The following CD96 variants were observed in gnomAD, a reference collection of about 807,000 sequenced individuals.
CD96 encodes the protein CD96 molecule, also known as T-cell surface protein tactile.
A neutral mutation model predicts 71.3 loss-of-function variants in CD96; 70 were observed. That is an observed-to-expected ratio of 0.98 (90% CI 0.81 to 1.20). The LOEUF (loss-of-function observed/expected upper bound fraction) is 1.20, where lower values mean the gene tolerates loss of function less well. Among genes scored for constraint, CD96 ranks in the 50% most tolerant of loss-of-function variants. CD96 has a pLI of 0.00. For missense variants in CD96, 742 were observed against 677.5 expected (o/e 1.10, Z -1.06); for synonymous variants, 248 against 233.0 (o/e 1.06, Z -0.59).
intron 10 of CD96, among the ~76,000 whole-genome samples, chr3:111,636,217 G>A (rs530179256): frequency 6.6e-6 from 1 of 152,204 alleles, no homozygotes; most frequent in South Asian, 2.1e-4. Context: ...CCTAAAGAAT[G>A]GACTCTTACC....
intron 2 of CD96, among the ~76,000 whole-genome samples, chr3:111,552,627 T>C (rs1280132137): frequency 6.8e-6 from 1 of 147,336 alleles, no homozygotes. Context: ...AGAGAATATG[T>C]AAATGAATGG....
chr3:111,569,042 C>T (rs1935852412), intron 3 of CD96, among the ~76,000 whole-genome samples: 1 of 152,162 alleles, frequency 6.6e-6, no homozygotes, highest in African/African-American at 2.4e-5. Context: ...CACAGATTCT[C>T]ATGAATGTAA....
At chr3:111,635,987 G>A (rs377262865) in intron 10 of CD96, among the ~76,000 whole-genome samples, 7 of 152,042 alleles carry the variant, frequency 4.6e-5, no homozygotes, top group African/African-American at 1.4e-4. Context: ...ATCAAATTCC[G>A]GCGAATGGCA....
rs749351660 is a variant in CD96 at position 111,598,168 on chromosome 3, A to G, written c.856A>G (p.Thr286Ala). The G allele has an allele frequency of 3.1e-5, 46 of 1,498,544 alleles. No homozygotes were observed. In the South Asian group the frequency reaches 5.0e-4, roughly 16 times the overall value. 92.8% of individuals were successfully genotyped at this position (1,498,544 alleles called of 1,614,324 possible). ...GAATGTATTTCCCAAAGCAAATATC[A>G]CATGGTTTATAGATGGAAGTTTTCT... Reference protein sequence around the residue: ...LKNVFPKANITWFIDGSFLHD... With the variant: ...LKNVFPKANIAWFIDGSFLHD... Residue 286 changes from threonine to alanine, a missense_variant, in exon 6 of 14, where the codon ACA (threonine) becomes GCA (alanine). By Grantham distance (58) the Thr-to-Ala change is moderately conservative. Transcript: ENST00000352690.
chr3:111,604,243 C>G (rs1937564627), intron 7 of CD96, among the ~76,000 whole-genome samples: 1 of 152,144 alleles, frequency 6.6e-6, no homozygotes, highest in African/African-American at 2.4e-5. Flanking sequence ...TCTGAGAGCC[C>G]TGCCAAGCCT....
intron 6 of CD96, 72 bp from the exon 7 acceptor site, chr3:111,600,654 C>T: frequency 1.8e-6 from 2 of 1,132,882 alleles, no homozygotes; most frequent in Non-Finnish European, 2.7e-6. Flanking sequence ...TTGATCATGC[C>T]ATGCCTTGGC....
At chr3:111,591,483 T>C (rs994919204) in intron 5 of CD96, among the ~76,000 whole-genome samples, 2 of 152,150 alleles carry the variant, frequency 1.3e-5, no homozygotes, top group African/African-American at 2.4e-5. Flanking sequence ...TTTATTTGGT[T>C]TGGGTTTTGC....
chr3:111,564,221 T>C (rs1935595324), intron 2 of CD96, among the ~76,000 whole-genome samples: 1 of 152,038 alleles, frequency 6.6e-6, no homozygotes, highest in Admixed American at 6.5e-5. Context: ...TTAATATTTG[T>C]TCTGTTCCAT....
intron 10 of CD96, among the ~76,000 whole-genome samples, chr3:111,636,417 T>C (rs766251182): frequency 2.4e-4 from 36 of 152,368 alleles, no homozygotes; most frequent in Non-Finnish European, 3.4e-4. Flanking sequence ...TTTAAATGAA[T>C]GGATGTAATA....
At chr3:111,556,536 A>C (rs1382634443) in intron 2 of CD96, among the ~76,000 whole-genome samples, 1 of 132,122 alleles carries the variant, frequency 7.6e-6, no homozygotes, top group African/African-American at 3.0e-5. Flanking sequence ...ACGTGAACTC[A>C]TCATTTTTTA....
rs982304632 is a variant in CD96 at position 111,652,187 on chromosome 3, G to A, written c.*2381G>A. On this transcript the variant is annotated 3_prime_UTR_variant, in exon 14 of 14. Transcript: ENST00000352690. Reference sequence around the variant, plus strand: ...TTTTGAGTATAATTTGTTACATAGCGACAGATAACTATACAGCTCAACAAC... The same window carrying A: ...TTTTGAGTATAATTTGTTACATAGCAACAGATAACTATACAGCTCAACAAC... 4 of 151,980 alleles carry A rather than the reference G, an allele frequency of 2.6e-5. No homozygotes were observed. The highest frequency in any genetic ancestry group is 9.7e-5 in the African/African-American group (4 of 41,356). 9.4% of individuals were successfully genotyped at this position (151,980 alleles called of 1,614,324 possible).
At chr3:111,558,520 C>T (rs1374550239) in intron 2 of CD96, among the ~76,000 whole-genome samples, 2 of 69,716 alleles carry the variant, frequency 2.9e-5, no homozygotes, top group African/African-American at 6.1e-5. Context: ...TATTGATTTG[C>T]GTATATTGAA....
chr3:111,635,729 C>T (rs980430767), intron 10 of CD96, among the ~76,000 whole-genome samples: 3 of 152,124 alleles, frequency 2.0e-5, no homozygotes, highest in Non-Finnish European at 4.4e-5. Flanking sequence ...ACCCATTTTC[C>T]TTAAATGGAT....
At chr3:111,562,162 CG>C (rs1463824402) in intron 2 of CD96, among the ~76,000 whole-genome samples, 2 of 152,210 alleles carry the variant, frequency 1.3e-5, no homozygotes, top group Non-Finnish European at 2.9e-5. Context: ...CAGAAATCAC[CG>C]GTCTTCTGCG....
chr3:111,656,525 C>T (rs1227091228), downstream of CD96, among the ~76,000 whole-genome samples: 3 of 152,094 alleles, frequency 2.0e-5, no homozygotes, highest in East Asian at 5.8e-4. Flanking sequence ...TGAAACTCAG[C>T]CTCCAACAAT....
At chr3:111,649,669 G>A (rs1372754919) in intron 13 of CD96, 29 bp from the exon 14 acceptor site, 1 of 1,322,400 alleles carries the variant, frequency 7.6e-7, no homozygotes, top group Non-Finnish European at 1.1e-6. Context: ...TCAATTCTTA[G>A]CATTGAAAGA....
At chr3:111,612,088 TG>T (rs1299556382) in intron 8 of CD96, among the ~76,000 whole-genome samples, 5 of 152,224 alleles carry the variant, frequency 3.3e-5, no homozygotes, top group African/African-American at 4.8e-5. Context: ...GGCTGTGATC[TG>T]AACAACAAAT....
chr3:111,571,688 G>C (rs902851669), intron 3 of CD96, among the ~76,000 whole-genome samples: 1 of 152,094 alleles, frequency 6.6e-6, no homozygotes, highest in African/African-American at 2.4e-5. Flanking sequence ...TTCTTCAAAG[G>C]GAACATGGTG....
chr3:111,582,296 A>G (rs1432704640), intron 4 of CD96, among the ~76,000 whole-genome samples: 1 of 152,236 alleles, frequency 6.6e-6, no homozygotes, highest in Non-Finnish European at 1.5e-5. Context: ...CCACTGAGTC[A>G]TAGAAGGCTG....
Sources: gnomAD v4.1 joint callset for allele counts (sites outside exome capture counted in the v4.1 genomes callset) on GRCh38, gnomAD v4.1.1 for gene constraint, MANE v1.5 for transcripts, NCBI Gene and HGNC (gene_info 2026-07-23, HGNC 2026-07-21) for gene names.